LSAMP: variants seen among roughly 807,000 people sequenced by gnomAD.
The protein encoded by LSAMP is limbic system-associated membrane protein.
LSAMP carries 7 observed loss-of-function variants against 38.6 expected under a neutral mutation model. That is an observed-to-expected ratio of 0.18 (90% CI 0.10 to 0.34). LSAMP has a LOEUF of 0.34. Among genes scored for constraint, LSAMP ranks in the 10% least tolerant of loss-of-function variants. The pLI is 1.00. For missense variants in LSAMP, 313 were observed against 420.0 expected (o/e 0.75, Z 2.23); for synonymous variants, 154 against 166.8 (o/e 0.92, Z 0.59).
chr3:116,305,326 C>A (rs1455262884), intron 1 of LSAMP, among the ~76,000 whole-genome samples: 1 of 152,024 alleles, frequency 6.6e-6, no homozygotes, highest in Non-Finnish European at 1.5e-5. Flanking sequence ...TGGTACAGTT[C>A]TAAAATCTAG....
chr3:116,041,805 A>C (rs112979068), intron 2 of LSAMP, among the ~76,000 whole-genome samples: 2 of 144,852 alleles, frequency 1.4e-5, no homozygotes, highest in South Asian at 2.1e-4. Context: ...GCAAAAAAAA[A>C]CAAAACAAAA....
chr3:116,022,908 C>T (rs1172127362), intron 2 of LSAMP, among the ~76,000 whole-genome samples: 18 of 152,142 alleles, frequency 1.2e-4, no homozygotes, highest in Admixed American at 1.1e-3. Context: ...TTCATTCCCA[C>T]CAAACACTTG....
chr3:116,055,045 G>A (rs1211418229), intron 2 of LSAMP, among the ~76,000 whole-genome samples: 2 of 152,172 alleles, frequency 1.3e-5, no homozygotes, highest in Non-Finnish European at 2.9e-5. Context: ...GTACAAAGAT[G>A]TTGGGCTTGG....
At chr3:116,389,304 A>G (rs1200594028) in intron 1 of LSAMP, among the ~76,000 whole-genome samples, 2 of 151,982 alleles carry the variant, frequency 1.3e-5, no homozygotes, top group Non-Finnish European at 2.9e-5. Flanking sequence ...ATTTTTTTTT[A>G]AAAGGTGCTA....
rs181129686 is a variant in LSAMP at position 116,400,872 on chromosome 3, T to G, written c.155+44005A>C. ...CTTTTTCAGTAATGTTTGGTTGTACTGCTATTTATCTCTGCAGTGGTTTGG... is the reference window on the plus strand; with the variant it reads ...CTTTTTCAGTAATGTTTGGTTGTACGGCTATTTATCTCTGCAGTGGTTTGG... On this transcript the variant is annotated intron_variant, in intron 1 of 6. Transcript: ENST00000490035. Among the ~76,000 whole-genome samples, 330 of 152,322 alleles carry G rather than the reference T, an allele frequency of 2.2e-3. 2 individuals carry two copies. The highest frequency in any genetic ancestry group is 0.01 in the Middle Eastern group (3 of 294).
chr3:115,830,753 T>A (rs1184883983), intron 6 of LSAMP, among the ~76,000 whole-genome samples: 1 of 152,212 alleles, frequency 6.6e-6, no homozygotes, highest in Admixed American at 6.5e-5. Flanking sequence ...TATTCAGTGA[T>A]CTTCACAGCA....
chr3:116,270,829 T>C (rs1427552910), intron 1 of LSAMP, among the ~76,000 whole-genome samples: 1 of 152,106 alleles, frequency 6.6e-6, no homozygotes, highest in Admixed American at 6.6e-5. Context: ...ACTTGAATAA[T>C]TATATACAAT....
intron 1 of LSAMP, among the ~76,000 whole-genome samples, chr3:116,216,645 C>A (rs1032524435): frequency 6.6e-6 from 1 of 151,158 alleles, no homozygotes; most frequent in Non-Finnish European, 1.5e-5. Context: ...GGAAAAAAAA[C>A]TAGCAGGCAC....
chr3:116,127,194 A>G (rs1183988650), intron 1 of LSAMP, among the ~76,000 whole-genome samples: 1 of 152,234 alleles, frequency 6.6e-6, no homozygotes, highest in Non-Finnish European at 1.5e-5. Context: ...TATCTAATTT[A>G]CCATATGAAG....
At chr3:116,035,675 T>C (rs2107710086) in intron 2 of LSAMP, among the ~76,000 whole-genome samples, 1 of 152,338 alleles carries the variant, frequency 6.6e-6, no homozygotes, top group East Asian at 1.9e-4. Context: ...AAATTAGCTC[T>C]GTTTATACTC....
At chr3:115,810,460 G>T in intron 6 of LSAMP, 46 bp from the exon 7 acceptor site, 1 of 1,305,278 alleles carries the variant, frequency 7.7e-7, no homozygotes, top group East Asian at 2.3e-5. Context: ...AGTTACATGG[G>T]CCCACTGTAT....
intron 1 of LSAMP, among the ~76,000 whole-genome samples, chr3:116,307,466 A>G (rs2047498842): frequency 6.6e-6 from 1 of 152,018 alleles, no homozygotes; most frequent in African/African-American, 2.4e-5. Context: ...CTCAAAGCAT[A>G]TAATCCAAAA....
chr3:116,424,546 T>C (rs537742505), intron 1 of LSAMP, among the ~76,000 whole-genome samples: 1 of 152,330 alleles, frequency 6.6e-6, no homozygotes, highest in East Asian at 1.9e-4. Flanking sequence ...AATACGGCAG[T>C]ACATGGATAA....
intron 1 of LSAMP, among the ~76,000 whole-genome samples, chr3:116,329,153 G>A (rs2047815672): frequency 6.6e-6 from 1 of 152,134 alleles, no homozygotes; most frequent in African/African-American, 2.4e-5. Flanking sequence ...ATAATTGGAA[G>A]CAGGTATTGA....
chr3:116,278,418 C>CTCAAT (rs2047082533), intron 1 of LSAMP, among the ~76,000 whole-genome samples: 1 of 151,988 alleles, frequency 6.6e-6, no homozygotes, highest in East Asian at 1.9e-4. Flanking sequence ...AGTTATTATC[C>CTCAAT]TCAATTCATA....
chr3:116,020,045 A>G (rs1940595011), intron 2 of LSAMP, among the ~76,000 whole-genome samples: 1 of 152,188 alleles, frequency 6.6e-6, no homozygotes, highest in Non-Finnish European at 1.5e-5. Context: ...TTCTCCAAGT[A>G]CCAGCAAAAG....
intron 1 of LSAMP, among the ~76,000 whole-genome samples, chr3:116,334,542 C>T (rs547645974): frequency 1.3e-5 from 2 of 151,996 alleles, no homozygotes; most frequent in South Asian, 2.1e-4. Flanking sequence ...GATTTTACAC[C>T]ATGACAAAGC....
chr3:115,868,037 T>C (rs1516519), intron 3 of LSAMP, among the ~76,000 whole-genome samples: 42,528 of 152,028 alleles, frequency 0.28, 6,550 homozygotes, highest in African/African-American at 0.38. Context: ...TAACCAATAT[T>C]CCTAGTCCTA....
chr3:115,814,155 C>T lies in LSAMP; in HGVS notation c.920-3741G>A, dbSNP rs1005072147. 6 of 151,954 alleles carry T rather than the reference C, an allele frequency of 3.9e-5. No individual in the cohort carries two copies. The East Asian group carries it at 1.2e-3, about 29-fold the overall frequency. 9.4% of individuals were successfully genotyped at this position (151,954 alleles called of 1,614,324 possible). On this transcript the variant is annotated intron_variant, in intron 6 of 6. Coordinates refer to ENST00000490035, the MANE Select transcript of LSAMP (RefSeq NM_002338.5). ...TGGATTACAGAAAGAGATGAAATAC[C>T]AACCTGAATCAAAGGCATTGATTTG... is the stretch of plus-strand genomic sequence containing the variant.
Sources: allele counts gnomAD v4.1 joint callset (sites outside exome capture counted in the v4.1 genomes callset), GRCh38; gene constraint gnomAD v4.1.1; transcripts MANE v1.5; gene names NCBI Gene and HGNC (gene_info 2026-07-23, HGNC 2026-07-21).